MEGF10: variants seen among roughly 807,000 people sequenced by gnomAD.
The protein encoded by MEGF10 is multiple EGF like domains 10, also known as multiple epidermal growth factor-like domains protein 10.
In MEGF10, 86 loss-of-function variants were observed where a neutral mutation model predicts 147.5. The ratio of observed to expected loss-of-function variants is 0.58; its 90% CI spans 0.49 to 0.70. The LOEUF (loss-of-function observed/expected upper bound fraction) is 0.70. Ranked by LOEUF, MEGF10 falls within the 30% of genes least tolerant of loss-of-function variation. The pLI, the probability that MEGF10 is intolerant of heterozygous loss-of-function variation, is 0.00. For synonymous variants in MEGF10, 478 were observed against 525.5 expected (o/e 0.91, Z 1.24); for missense variants, 1,329 against 1,487.3 (o/e 0.89, Z 1.75).
chr5:127,381,363 G>A (rs1451737673), intron 5 of MEGF10, among the ~76,000 whole-genome samples: 5 of 151,366 alleles, frequency 3.3e-5, no homozygotes, highest in Non-Finnish European at 7.3e-5. Flanking sequence ...TTTGTACAGG[G>A]AGCAGAAATA....
the MEGF10 span, among the ~76,000 whole-genome samples, chr5:127,272,158 G>A: frequency 1.3e-5 from 2 of 152,176 alleles, no homozygotes; most frequent in Non-Finnish European, 2.9e-5. Flanking sequence ...TGGCTAGCCA[G>A]TTCTTATGGC....
rs1235685352 is a variant in MEGF10 at position 127,423,629 on chromosome 5, T to C, written c.1693+857T>C. The stretch of plus-strand genomic sequence containing the variant: ...GTGGTTTTGCTTTCCATTTCCATGA[T>C]GGCTGATGATATTGAACATCTTTCT... On this transcript the variant is annotated intron_variant, in intron 13 of 24. Coordinates refer to ENST00000503335, the MANE Select transcript of MEGF10 (RefSeq NM_001256545.2). Among the ~76,000 whole-genome samples, 6 of 152,250 alleles carry C rather than the reference T, an allele frequency of 3.9e-5. No homozygotes were observed. In the East Asian group the frequency reaches 5.8e-4, roughly 15 times the overall value.
intron 1 of MEGF10, among the ~76,000 whole-genome samples, chr5:127,315,902 G>T (rs1176735364): frequency 6.6e-6 from 1 of 152,160 alleles, no homozygotes; most frequent in Admixed American, 6.5e-5. Context: ...CTAAGAACAT[G>T]TTGAAGCAGA....
At chr5:127,408,945 C>G (rs898066034) in intron 8 of MEGF10, among the ~76,000 whole-genome samples, 2 of 152,048 alleles carry the variant, frequency 1.3e-5, no homozygotes, top group African/African-American at 4.8e-5. Context: ...GACATGGTGG[C>G]GAGTGCCTGT....
chr5:127,452,618 T>C (rs1766196340), intron 22 of MEGF10, among the ~76,000 whole-genome samples: 1 of 152,174 alleles, frequency 6.6e-6, no homozygotes, highest in South Asian at 2.1e-4. Context: ...CATGTAGACA[T>C]GATTGACCTT....
At chr5:127,403,858 G>T (rs931216530) in intron 8 of MEGF10, among the ~76,000 whole-genome samples, 1 of 152,140 alleles carries the variant, frequency 6.6e-6, no homozygotes. Flanking sequence ...AGACACGTAG[G>T]TTGCTTCCAA....
intron 8 of MEGF10, among the ~76,000 whole-genome samples, chr5:127,404,415 A>G (rs570250863): frequency 6.6e-6 from 1 of 152,114 alleles, no homozygotes; most frequent in East Asian, 2.0e-4. Context: ...AACGGTGAAG[A>G]CCGCAATTAC....
chr5:127,445,636 C>A lies in MEGF10; in HGVS notation c.2671C>A (p.Pro891Thr). 6.2e-7 allele frequency: 1 copy of A among 1,614,074 alleles called. No homozygotes were observed. The highest frequency in any genetic ancestry group is 8.5e-7 in the Non-Finnish European group (1 of 1,180,014). ...GCAGAAGGGAAAGGAATCAAGCATG[C>A]CAGCAGTTACCTACACCCCTGCTAT... ...HKQKGKESSM[P>T]AVTYTPAMRV... is the part of the protein sequence containing the mutation. Residue 891 changes from proline (P) to threonine (T), a missense_variant, in exon 20 of 25, where the codon CCA becomes ACA. Physicochemically the swap from Pro to Thr is conservative, Grantham distance 38 (BLOSUM62 -1). Transcript: ENST00000503335.
At chr5:127,241,123 C>T in the MEGF10 span, among the ~76,000 whole-genome samples, 1 of 152,012 alleles carries the variant, frequency 6.6e-6, no homozygotes, top group African/African-American at 2.4e-5. Context: ...TTCAAGTTCC[C>T]GAGGCACTGA....
At chr5:127,406,801 G>A (rs553571522) in intron 8 of MEGF10, among the ~76,000 whole-genome samples, 34 of 152,306 alleles carry the variant, frequency 2.2e-4, no homozygotes, top group African/African-American at 8.2e-4. Context: ...TCAAGTAAGA[G>A]TGAAGAGACA....
chr5:127,391,295 G>C (rs907206280), intron 5 of MEGF10, among the ~76,000 whole-genome samples: 6 of 151,990 alleles, frequency 3.9e-5, no homozygotes, highest in African/African-American at 1.5e-4. Flanking sequence ...CTGGTTTCTA[G>C]CTGGGTGCAG....
chr5:127,444,711 G>A (rs956111198), intron 19 of MEGF10: 17 of 152,206 alleles, frequency 1.1e-4, no homozygotes, highest in Non-Finnish European at 2.5e-4. Flanking sequence ...AAGGTATTAG[G>A]GTAATGCTAT....
chr5:127,325,900 TATA>T (rs1167939656), intron 1 of MEGF10, among the ~76,000 whole-genome samples: 6 of 48,084 alleles, frequency 1.2e-4, no homozygotes, highest in African/African-American at 3.0e-4. Flanking sequence ...TATATATATA[TATA>T]TATATATTTT....
chr5:127,420,302 T>A, intron 12 of MEGF10, 95 bp downstream of exon 12: 1 of 1,417,198 alleles, frequency 7.1e-7, no homozygotes, highest in Non-Finnish European at 9.5e-7. Flanking sequence ...TTCAAGTGGC[T>A]CACTGTGAAC....
chr5:127,419,486 G>A (rs1424890906), intron 11 of MEGF10, among the ~76,000 whole-genome samples: 1 of 152,180 alleles, frequency 6.6e-6, no homozygotes, highest in African/African-American at 2.4e-5. Flanking sequence ...CTTTTGGGAA[G>A]AGTAAACAAG....
rs192446582 is a variant in MEGF10 at position 127,319,542 on chromosome 5, C to T, written c.-18-11749C>T. ...AGAGAAAAAAGAAGGCATCATTGCACTGAGGAAATTAGGAGATGTCAGTTT... is the reference window on the plus strand; with the variant it reads ...AGAGAAAAAAGAAGGCATCATTGCATTGAGGAAATTAGGAGATGTCAGTTT... On this transcript the variant is annotated intron_variant, in intron 1 of 24. Transcript: ENST00000503335. 2.6e-5 allele frequency among the ~76,000 whole-genome samples: 4 copies of T among 152,296 alleles called. No individual in the cohort carries two copies. The East Asian group carries it at 7.7e-4, about 29-fold the overall frequency.
chr5:127,382,692 A>G (rs1026925901), intron 5 of MEGF10, among the ~76,000 whole-genome samples: 1 of 152,168 alleles, frequency 6.6e-6, no homozygotes, highest in Non-Finnish European at 1.5e-5. Context: ...TATTTTTGCC[A>G]CATAAGTAAA....
chr5:127,378,484 G>C (rs1254318819), intron 5 of MEGF10, among the ~76,000 whole-genome samples: 1 of 152,106 alleles, frequency 6.6e-6, no homozygotes, highest in African/African-American at 2.4e-5. Flanking sequence ...ACTGGGTCTT[G>C]CTCTGTCACA....
chr5:127,279,620 C>T, the MEGF10 span, among the ~76,000 whole-genome samples: 1 of 152,098 alleles, frequency 6.6e-6, no homozygotes, highest in Non-Finnish European at 1.5e-5. Context: ...GATCTTACAT[C>T]CCTGTCTAAT....
Sources: gnomAD v4.1 joint callset for allele counts (sites outside exome capture counted in the v4.1 genomes callset) on GRCh38, gnomAD v4.1.1 for gene constraint, MANE v1.5 for transcripts, NCBI Gene and HGNC (gene_info 2026-07-23, HGNC 2026-07-21) for gene names.